ASCC3: variants seen among roughly 807,000 people sequenced by gnomAD.
ASCC3 encodes ASC-1 complex subunit P200.
Under a neutral mutation model 256.3 loss-of-function variants are expected in ASCC3, and 158 were observed. That is an observed-to-expected ratio of 0.62 (90% confidence interval 0.54 to 0.70). The LOEUF (loss-of-function observed/expected upper bound fraction) is 0.70. Ranked by LOEUF, ASCC3 falls within the 30% of genes least tolerant of loss-of-function variation. The pLI is 0.00. For synonymous variants in ASCC3, 948 were observed against 883.4 expected, an observed-to-expected ratio of 1.07 and a Z score of -1.30; for missense variants, 2,259 against 2,626.0, an observed-to-expected ratio of 0.86 and a Z score of 3.05.
intron 2 of ASCC3, among the ~76,000 whole-genome samples, chr6:100,865,502 C>A (rs1057044091): frequency 6.6e-6 from 1 of 152,054 alleles, no homozygotes; most frequent in African/African-American, 2.4e-5. Flanking sequence ...CTGCTGTGAA[C>A]AATGTAAAAC....
intron 13 of ASCC3, among the ~76,000 whole-genome samples, chr6:100,690,105 A>G (rs893451742): frequency 6.6e-6 from 1 of 152,122 alleles, no homozygotes; most frequent in Non-Finnish European, 1.5e-5. Flanking sequence ...CCTTGTGGAT[A>G]CCAAATGCTT....
chr6:100,570,267 TTTTA>T (rs1310242490), intron 36 of ASCC3, among the ~76,000 whole-genome samples: 1 of 152,186 alleles, frequency 6.6e-6, no homozygotes, highest in African/African-American at 2.4e-5. Context: ...TTTGGATGTC[TTTTA>T]TTTCTTTCTC....
At chr6:100,766,956 C>T (rs1285563850) in intron 9 of ASCC3, among the ~76,000 whole-genome samples, 189 bp downstream of exon 9, 2 of 152,134 alleles carry the variant, frequency 1.3e-5, no homozygotes, top group African/African-American at 2.4e-5. Context: ...TAGCTTCTTA[C>T]ATGGTAATAG....
chr6:100,863,913 G>A (rs34445308), intron 3 of ASCC3, 151 bp downstream of exon 3: 174,125 of 713,250 alleles, frequency 0.24, 23,684 homozygotes, highest in South Asian at 0.48. Flanking sequence ...ATGAGCCACC[G>A]CGCCTGGCCA....
At chr6:100,593,284 G>T (rs929577937) in intron 34 of ASCC3, among the ~76,000 whole-genome samples, 1 of 152,052 alleles carries the variant, frequency 6.6e-6, no homozygotes, top group Non-Finnish European at 1.5e-5. Context: ...CAGCACATGG[G>T]CTACACAAGC....
intron 10 of ASCC3, among the ~76,000 whole-genome samples, chr6:100,727,557 C>T (rs1387202389): frequency 2.0e-5 from 3 of 151,950 alleles, no homozygotes; most frequent in Non-Finnish European, 4.4e-5. Flanking sequence ...TTCACTGTAT[C>T]AGCCAGGCAG....
At chr6:100,862,273 G>A (rs892844102) in intron 3 of ASCC3, among the ~76,000 whole-genome samples, 2 of 152,108 alleles carry the variant, frequency 1.3e-5, no homozygotes, top group African/African-American at 4.8e-5. Context: ...CTAGGCTTAA[G>A]CAAACTCAAT....
chr6:100,738,990 G>A (rs1207365297), intron 10 of ASCC3, among the ~76,000 whole-genome samples: 2 of 152,258 alleles, frequency 1.3e-5, no homozygotes, highest in Admixed American at 1.3e-4. Flanking sequence ...GAATAGGAGA[G>A]GTGAGAGAGG....
At chr6:100,525,604 A>C (rs1774545000) in intron 37 of ASCC3, among the ~76,000 whole-genome samples, 1 of 152,136 alleles carries the variant, frequency 6.6e-6, no homozygotes, top group Non-Finnish European at 1.5e-5. Flanking sequence ...AAAAAATTTT[A>C]AAAAGAAAAA....
At chr6:100,786,505 G>C (rs1300014139) in intron 8 of ASCC3, among the ~76,000 whole-genome samples, 1 of 152,060 alleles carries the variant, frequency 6.6e-6, no homozygotes, top group Non-Finnish European at 1.5e-5. Context: ...ATATTTTATG[G>C]ACTTGACCGT....
intron 3 of ASCC3, chr6:100,858,180 TAA>T (rs1044685374): frequency 2.3e-6 from 1 of 440,596 alleles, no homozygotes; most frequent in Non-Finnish European, 3.0e-6. Flanking sequence ...TACATAAAGA[TAA>T]GTGTAATTTT....
At chr6:100,615,034 G>C (rs1314532221) in intron 30 of ASCC3, among the ~76,000 whole-genome samples, 1 of 149,068 alleles carries the variant, frequency 6.7e-6, no homozygotes, top group African/African-American at 2.5e-5. Flanking sequence ...AAAAATTTTT[G>C]AGATGGAGTC....
intron 24 of ASCC3, among the ~76,000 whole-genome samples, chr6:100,640,496 C>T (rs189626776): frequency 6.6e-6 from 1 of 152,142 alleles, no homozygotes; most frequent in East Asian, 1.9e-4. Flanking sequence ...GGTCATTTGG[C>T]AGACAAAAGA....
At chr6:100,626,661 C>A (rs1562178035) in intron 29 of ASCC3, among the ~76,000 whole-genome samples, 1 of 152,022 alleles carries the variant, frequency 6.6e-6, no homozygotes, top group Non-Finnish European at 1.5e-5. Flanking sequence ...TCTTATTTCT[C>A]ACCCTTTTAT....
intron 10 of ASCC3, among the ~76,000 whole-genome samples, chr6:100,740,113 G>C (rs532771458): frequency 4.6e-5 from 7 of 152,266 alleles, no homozygotes; most frequent in African/African-American, 1.4e-4. Flanking sequence ...CTGTATCCCA[G>C]AGATTCTGGT....
At chr6:100,780,294 G>A (rs369092211) in intron 8 of ASCC3, among the ~76,000 whole-genome samples, 13 of 152,244 alleles carry the variant, frequency 8.5e-5, no homozygotes, top group Middle Eastern at 3.4e-3. Flanking sequence ...GCTCTGGAGA[G>A]TGCCCAGCTA....
chr6:100,835,527 T>A (rs1257757465), intron 4 of ASCC3, among the ~76,000 whole-genome samples: 1 of 152,194 alleles, frequency 6.6e-6, no homozygotes, highest in East Asian at 1.9e-4. Context: ...TTGAAGACAC[T>A]GTCCTTTATC....
Position 100,715,542 on chromosome 6 carries a change from T to G in ASCC3, c.2080-9A>C. On this transcript the variant is annotated splice_polypyrimidine_tract_variant and intron_variant, in intron 12 of 41. Transcript: ENST00000369162. The stretch of plus-strand genomic sequence containing the variant: ...TTATTCAACTGCTGCATCTTGAAGA[T>G]TTTAAAACATAAAAAAAATCATGTG... 1 of 1,605,040 alleles carries G rather than the reference T, an allele frequency of 6.2e-7. No individual in the cohort carries two copies.
chr6:100,688,277 A>AC (rs149006293), intron 13 of ASCC3, among the ~76,000 whole-genome samples: 82,955 of 150,990 alleles, frequency 0.55, 22,913 homozygotes, highest in Middle Eastern at 0.63. Flanking sequence ...TAAAAAAAAA[A>AC]AACAACAACA....
Sources: allele counts gnomAD v4.1 joint callset (sites outside exome capture counted in the v4.1 genomes callset), GRCh38; gene constraint gnomAD v4.1.1; transcripts MANE v1.5; gene names NCBI Gene and HGNC (gene_info 2026-07-23, HGNC 2026-07-21).